Variants in PDILT observed in about 807,000 individuals in gnomAD.
The protein encoded by PDILT is protein disulfide-isomerase-like protein of the testis.
Under a neutral mutation model 53.7 loss-of-function variants are expected in PDILT, and 43 were observed. The observed-to-expected ratio is 0.80, with a 90% CI of 0.63 to 1.03. The LOEUF (loss-of-function observed/expected upper bound fraction) is 1.03. Among genes scored for constraint, PDILT ranks in the 50% least tolerant of loss-of-function variants. The probability of loss-of-function intolerance (pLI) is 0.00; values close to 1 mark genes in which losing one functional copy is unlikely to be tolerated. For missense variants in PDILT, 727 were observed against 712.3 expected (o/e 1.02, Z -0.24); for synonymous variants, 282 against 274.2 (o/e 1.03, Z -0.28).
At chr16:20,403,427 C>G (rs6497482) in intron 1 of PDILT, among the ~76,000 whole-genome samples, 1 of 151,998 alleles carries the variant, frequency 6.6e-6, no homozygotes, top group Non-Finnish European at 1.5e-5. Context: ...GCAGCTGGGA[C>G]TACAGGCACC....
chr16:20,399,439 C>G, intron 1 of PDILT, 132 bp from the exon 2 acceptor site: 1 of 930,014 alleles, frequency 1.1e-6, no homozygotes. Flanking sequence ...CCAGCAATGC[C>G]TGCAGCTTGG....
rs1555489459 is a variant in PDILT, at chr16:20,367,090, T to TCTTTCTTC, written c.1117-1551_1117-1550insGAAGAAAG. On this transcript the variant is annotated intron_variant, in intron 8 of 11. Coordinates refer to ENST00000302451, the MANE Select transcript of PDILT (RefSeq NM_174924.2). ...TTCTTTCTTTCTTTCTTTCTTTCTTTCTTTCTTTCTTTCTTCCTTTCTTTC... is the reference window on the plus strand; with the variant it reads ...TTCTTTCTTTCTTTCTTTCTTTCTTTCTTTCTTCCTTTCTTTCTTTCTTCCTTTCTTTC... Among the ~76,000 whole-genome samples, 137 of 91,546 alleles carry TCTTTCTTC rather than the reference T, an allele frequency of 1.5e-3. 3 individuals are homozygous for TCTTTCTTC. The highest frequency in any genetic ancestry group is 4.9e-3 in the African/African-American group (99 of 20,046). The allele number at this position is 91,546 out of a possible 152,430, so 60.1% of individuals were successfully genotyped here. A position where few individuals can be genotyped will look rare whatever the true frequency, so the allele number is the denominator to read the frequency against.
chr16:20,394,021 G>A (rs1219037327), intron 2 of PDILT, among the ~76,000 whole-genome samples: 1 of 152,128 alleles, frequency 6.6e-6, no homozygotes, highest in Admixed American at 6.6e-5. Context: ...CAATGTTATG[G>A]GAAAGAGGAG....
At chr16:20,402,380 C>A (rs1373266832) in intron 1 of PDILT, among the ~76,000 whole-genome samples, 5 of 152,058 alleles carry the variant, frequency 3.3e-5, no homozygotes, top group African/African-American at 1.2e-4. Context: ...CTCTCTGCAA[C>A]CTGCGTCTCC....
chr16:20,360,662 G>A lies in PDILT; in HGVS notation c.1417-5C>T. The stretch of plus-strand genomic sequence containing the variant: ...TTCTCCCTTATACAGGACAGCCTAG[G>A]ATGAAAATGGAACAGGGTCAGGATG... On this transcript the variant is annotated splice_polypyrimidine_tract_variant and splice_region_variant and intron_variant, in intron 10 of 11. Transcript: ENST00000302451. 6.2e-7 allele frequency: 1 copy of A among 1,602,218 alleles called. No homozygotes were observed. Among genetic ancestry groups the A allele is most frequent in the Non-Finnish European group, 8.6e-7 (1 of 1,169,302 alleles).
chr16:20,364,045 C>G (rs1966154135), intron 9 of PDILT, among the ~76,000 whole-genome samples: 1 of 152,172 alleles, frequency 6.6e-6, no homozygotes, highest in Non-Finnish European at 1.5e-5. Flanking sequence ...CATGGCCATC[C>G]CCCCTGCCTG....
rs942782192 is a variant in PDILT, at chr16:20,359,686, T to G, written c.1507-119A>C. The G allele has an allele frequency of 4.9e-6, 5 of 1,016,122 alleles. No individual in the cohort carries two copies. The Admixed American group carries it at 1.2e-4, about 25-fold the overall frequency. The allele number at this position is 1,016,122 out of a possible 1,614,324, so 62.9% of individuals were successfully genotyped here. A position where few individuals can be genotyped will look rare whatever the true frequency, so the allele number is the denominator to read the frequency against. On this transcript the variant is annotated intron_variant, in intron 11 of 11. Transcript: ENST00000302451. ...TAGTCAAGCCTACTTTTTCTGAAAGTGCCCAGAGAGAATCAGTCTTTGGAC... is the reference window on the plus strand; with the variant it reads ...TAGTCAAGCCTACTTTTTCTGAAAGGGCCCAGAGAGAATCAGTCTTTGGAC...
chr16:20,369,445 A>C (rs369488859), intron 8 of PDILT, 47 bp downstream of exon 8: 1 of 1,549,798 alleles, frequency 6.5e-7, no homozygotes, highest in Non-Finnish European at 8.9e-7. Flanking sequence ...TATGAGAAGG[A>C]GATGATTTTG....
At chr16:20,402,314 T>TTTCTTTTC (rs1293984640) in intron 1 of PDILT, among the ~76,000 whole-genome samples, 1 of 152,028 alleles carries the variant, frequency 6.6e-6, no homozygotes, top group Non-Finnish European at 1.5e-5. Context: ...TTTCTTTTCT[T>TTTCTTTTC]TTGAGACAGG....
At chr16:20,361,490 C>T (rs1811134277) in intron 10 of PDILT, among the ~76,000 whole-genome samples, 1 of 152,168 alleles carries the variant, frequency 6.6e-6, no homozygotes, top group African/African-American at 2.4e-5. Flanking sequence ...GACTCCCTTT[C>T]CTCTTTAGGA....
chr16:20,372,746 G>A (rs1596584391), intron 7 of PDILT, 56 bp downstream of exon 7: 6 of 1,585,050 alleles, frequency 3.8e-6, no homozygotes, highest in Middle Eastern at 3.4e-4. Context: ...CTCAGGGTCT[G>A]CAGGTCTTGG....
At chr16:20,363,656 T>A (rs1353702764) in intron 9 of PDILT, among the ~76,000 whole-genome samples, 1 of 151,856 alleles carries the variant, frequency 6.6e-6, no homozygotes, top group African/African-American at 2.4e-5. Context: ...ATACCACAGG[T>A]AGGCATTAAT....
At chr16:20,362,928 C>T (rs892365950) in intron 9 of PDILT, among the ~76,000 whole-genome samples, 10 of 151,484 alleles carry the variant, frequency 6.6e-5, no homozygotes, top group Admixed American at 1.3e-4. Flanking sequence ...AAAAATTAGC[C>T]GAGCATGATG....
At chr16:20,396,469 T>C (rs1966663942) in intron 2 of PDILT, among the ~76,000 whole-genome samples, 1 of 152,220 alleles carries the variant, frequency 6.6e-6, no homozygotes, top group African/African-American at 2.4e-5. Flanking sequence ...TTGGCTTTGA[T>C]TATCTATCAC....
chr16:20,380,323 C>CTTTTA (rs1966445121), intron 3 of PDILT, among the ~76,000 whole-genome samples: 1 of 151,886 alleles, frequency 6.6e-6, no homozygotes, highest in Admixed American at 6.6e-5. Context: ...ATTTTCTTTT[C>CTTTTA]TTTTATTTTC....
rs367642918 is a variant in PDILT at position 20,372,789 on chromosome 16, G to A, written c.918+13C>T. ...TCCAGGAGTCCCAGAGAGCAATGGT[G>A]CACTCTACAAACCTTGTTTTGGAAT... On this transcript the variant is annotated intron_variant, in intron 7 of 11. Transcript: ENST00000302451. 57 of 1,613,186 alleles carry A rather than the reference G, an allele frequency of 3.5e-5. No homozygotes were observed. In the African/African-American group the frequency reaches 6.3e-4, roughly 18 times the overall value.
At chr16:20,360,429 C>A in intron 11 of PDILT, 139 bp downstream of exon 11, 1 of 812,080 alleles carries the variant, frequency 1.2e-6, no homozygotes, top group South Asian at 1.6e-5. Context: ...GTAGAGTCAC[C>A]CAACCTGGAT....
At chr16:20,360,001 A>C (rs566392159) in intron 11 of PDILT, among the ~76,000 whole-genome samples, 1 of 152,340 alleles carries the variant, frequency 6.6e-6, no homozygotes, top group Non-Finnish European at 1.5e-5. Context: ...TGGGGAAATG[A>C]CTACTTGAGA....
At chr16:20,369,378 T>C (rs542576686) in intron 8 of PDILT, 114 bp downstream of exon 8, 1 of 1,215,964 alleles carries the variant, frequency 8.2e-7, no homozygotes, top group South Asian at 1.4e-5. Flanking sequence ...AGCCACAAAG[T>C]TGATCTTTAT....
Sources: allele counts gnomAD v4.1 joint callset (sites outside exome capture counted in the v4.1 genomes callset), GRCh38; gene constraint gnomAD v4.1.1; transcripts MANE v1.5; gene names NCBI Gene and HGNC (gene_info 2026-07-23, HGNC 2026-07-21).